Variants in MICAL3 observed in about 807,000 individuals in gnomAD.
MICAL3 encodes the protein [F-actin]-monooxygenase MICAL3.
MICAL3 carries 62 observed loss-of-function variants against 207.4 expected under a neutral mutation model. That is an observed-to-expected ratio of 0.30 (90% CI 0.24 to 0.37). The LOEUF (loss-of-function observed/expected upper bound fraction) is 0.37, where lower values mean the gene tolerates loss of function less well. Among genes scored for constraint, MICAL3 ranks in the 10% least tolerant of loss-of-function variants. MICAL3 has a pLI of 1.00. For synonymous variants in MICAL3, 1,077 were observed against 1,069.3 expected (o/e 1.01, Z -0.14); for missense variants, 2,368 against 2,635.6 (o/e 0.90, Z 2.22).
At chr22:17,918,937 G>T (rs1337111476) in intron 1 of MICAL3, among the ~76,000 whole-genome samples, 2 of 152,180 alleles carry the variant, frequency 1.3e-5, no homozygotes, top group Admixed American at 6.5e-5. Flanking sequence ...TAATGCAGCT[G>T]ACACATATAT....
Position 17,790,262 on chromosome 22 carries a change from T to C in MICAL3, c.*470A>G, listed in dbSNP as rs573867500. On this transcript the variant is annotated 3_prime_UTR_variant, in exon 32 of 32. Transcript: ENST00000441493. ...TGGACGCCCCCATCCTGGGTCTCGA[T>C]CGCACCCTGACCCCTGACCCTGCTT... is the stretch of plus-strand genomic sequence containing the variant. 53 of 157,190 alleles carry C rather than the reference T, an allele frequency of 3.4e-4. No homozygotes were observed. Among genetic ancestry groups the C allele is most frequent in the Non-Finnish European group, 6.5e-4 (46 of 71,156 alleles). 9.7% of individuals were successfully genotyped at this position (157,190 alleles called of 1,614,324 possible). A position where few individuals can be genotyped will look rare whatever the true frequency, so the allele number is the denominator to read the frequency against.
chr22:17,881,280 C>T (rs1398346441), intron 16 of MICAL3: 2 of 1,609,638 alleles, frequency 1.2e-6, no homozygotes, highest in Admixed American at 1.7e-5. Context: ...TGGGGCAGGT[C>T]CGAGAACACT....
At position 17,818,511 on chromosome 22, in the gene MICAL3, A is replaced by T. The variant is rs1262198429; in HGVS notation, c.4150T>A (p.Ser1384Thr). The change falls in exon 26 of 32, where the codon TCC becomes ACC. Residue 1384 changes from serine (S) to threonine (T), a missense_variant. By Grantham distance (58) the Ser-to-Thr change is moderately conservative. This residue lies in a region of MICAL3 where 1,770 missense variants were observed against 1,863.2 expected (regional missense o/e 0.95). Transcript: ENST00000441493. ...GGCAGGCCCAGCCTTTTGGGGATGG[A>T]CAGAGGCTTGAGAAGGTGGAGTCCC... ...DEGLHLLKPL[S>T]IPKRLGLPKP... The T allele has an allele frequency of 1.2e-6, 2 of 1,613,260 alleles. No individual in the cohort carries two copies. The highest frequency in any genetic ancestry group is 1.6e-4 in the Middle Eastern group (1 of 6,062).
chr22:17,835,455 G>T (rs1456805216), intron 20 of MICAL3, among the ~76,000 whole-genome samples: 1 of 152,226 alleles, frequency 6.6e-6, no homozygotes, highest in East Asian at 1.9e-4. Flanking sequence ...GCAGTCTCTG[G>T]GTTGGCCCAG....
intron 1 of MICAL3, among the ~76,000 whole-genome samples, chr22:17,973,366 ACTTACTT>A (rs1233712445): frequency 6.6e-6 from 1 of 152,178 alleles, no homozygotes; most frequent in Non-Finnish European, 1.5e-5. Context: ...CTGATAAGAG[ACTTACTT>A]CTGTAGGGTA....
chr22:17,887,322 C>T lies in MICAL3; in HGVS notation c.2004+1G>A, dbSNP rs2146222807. The T allele has an allele frequency of 6.2e-7, 1 of 1,612,740 alleles. No individual in the cohort carries two copies. Among genetic ancestry groups the T allele is most frequent in the Non-Finnish European group, 8.5e-7 (1 of 1,178,828 alleles). On this transcript the variant is annotated splice_donor_variant, in intron 14 of 31. Transcript: ENST00000441493. LOFTEE classifies it high-confidence loss of function. ...GCCCATCAAGAGACTCCTCCACATA[C>T]CTTGGGAGAACGCTTCCGAGAGATG...
intron 1 of MICAL3, among the ~76,000 whole-genome samples, chr22:17,986,185 G>A (rs1402891478): frequency 2.0e-5 from 3 of 152,182 alleles, no homozygotes; most frequent in South Asian, 2.1e-4. Context: ...GATTACAGGC[G>A]TGAGCCACCT....
In MICAL3 at chr22:17,953,930, C is replaced by CAAAAAAAAAAAA. The variant is rs59740388; in HGVS notation, c.-74-47056_-74-47045dup. Among the ~76,000 whole-genome samples the CAAAAAAAAAAAA allele has an allele frequency of 1.4e-3, 124 of 86,510 alleles. 2 individuals are homozygous for CAAAAAAAAAAAA. Among genetic ancestry groups the CAAAAAAAAAAAA allele is most frequent in the Middle Eastern group, 5.7e-3 (1 of 176 alleles). The allele number at this position is 86,510 out of a possible 152,430, so 56.8% of individuals were successfully genotyped here. A position where few individuals can be genotyped will look rare whatever the true frequency, so the allele number is the denominator to read the frequency against. The stretch of plus-strand genomic sequence containing the variant: ...CAGGTGACAGAGTAAGACTCCATCT[C>CAAAAAAAAAAAA]AAAAAAAAAAAAAAAAAAAAAAAAA... On this transcript the variant is annotated intron_variant, in intron 1 of 31. Coordinates refer to ENST00000441493, the MANE Select transcript of MICAL3 (RefSeq NM_015241.3).
At chr22:17,836,871 T>G (rs1364551385) in intron 20 of MICAL3, among the ~76,000 whole-genome samples, 1 of 152,138 alleles carries the variant, frequency 6.6e-6, no homozygotes, top group Non-Finnish European at 1.5e-5. Context: ...GGTCTCCATC[T>G]CCTGACCTTG....
At chr22:17,824,369 G>C (rs577902186) in intron 22 of MICAL3, among the ~76,000 whole-genome samples, 1 of 152,340 alleles carries the variant, frequency 6.6e-6, no homozygotes, top group South Asian at 2.1e-4. Context: ...CGGTTAGGTG[G>C]ATTTCTTAAA....
In MICAL3 at chr22:17,901,065, T is replaced by C. The variant is rs897526460; in HGVS notation, c.692-68A>G. The C allele has an allele frequency of 3.4e-6, 5 of 1,487,202 alleles. No individual in the cohort carries two copies. In the Admixed American group the frequency reaches 5.0e-5, roughly 15 times the overall value. 92.1% of individuals were successfully genotyped at this position (1,487,202 alleles called of 1,614,324 possible). A position where few individuals can be genotyped will look rare whatever the true frequency, so the allele number is the denominator to read the frequency against. ...AGAAGGAAGATCACTTCAGATAAAG[T>C]GGGGGTGCTGATAAAGACAACAGGG... On this transcript the variant is annotated intron_variant, in intron 5 of 31. Coordinates refer to ENST00000441493, the MANE Select transcript of MICAL3 (RefSeq NM_015241.3).
At chr22:17,935,230 GAT>G (rs1380763875) in intron 1 of MICAL3, among the ~76,000 whole-genome samples, 1 of 152,100 alleles carries the variant, frequency 6.6e-6, no homozygotes, top group Admixed American at 6.6e-5. Flanking sequence ...CCAAAACAGA[GAT>G]ATAGACCAAT....
chr22:17,938,025 G>A lies in MICAL3; in HGVS notation c.-74-31139C>T, dbSNP rs535218243. Among the ~76,000 whole-genome samples the A allele has an allele frequency of 8.5e-5, 13 of 152,302 alleles. 1 individual carries two copies. The South Asian group carries it at 1.7e-3, about 19-fold the overall frequency. ...GAGGCATGAGAGGTCTGTCGGCCGTGTCTTGCTGATTATAGTATCTATCTT... is the reference window on the plus strand; with the variant it reads ...GAGGCATGAGAGGTCTGTCGGCCGTATCTTGCTGATTATAGTATCTATCTT... On this transcript the variant is annotated intron_variant, in intron 1 of 31. Transcript: ENST00000441493.
chr22:17,974,492 G>A (rs971622211), intron 1 of MICAL3, among the ~76,000 whole-genome samples: 2 of 152,178 alleles, frequency 1.3e-5, no homozygotes, highest in Admixed American at 6.5e-5. Flanking sequence ...GAGGAGAATT[G>A]CTTGAACCTG....
At chr22:17,834,953 G>A (rs572250652) in intron 20 of MICAL3, among the ~76,000 whole-genome samples, 83 of 152,360 alleles carry the variant, frequency 5.4e-4, no homozygotes, top group African/African-American at 1.9e-3. Context: ...TCCCAGCTGA[G>A]CAGCCGGGGC....
At chr22:18,022,218 T>A (rs1457328536) in intron 1 of MICAL3, among the ~76,000 whole-genome samples, 3 of 152,124 alleles carry the variant, frequency 2.0e-5, no homozygotes, top group African/African-American at 7.2e-5. Flanking sequence ...ACCCCCAGTC[T>A]GCAACAGTAC....
intron 19 of MICAL3, among the ~76,000 whole-genome samples, chr22:17,854,230 G>A (rs1006940058): frequency 6.8e-6 from 1 of 147,840 alleles, no homozygotes; most frequent in South Asian, 2.1e-4. Context: ...GGGGAGGGGG[G>A]TGCTACTGAT....
chr22:17,907,313 G>A lies in MICAL3; in HGVS notation c.-74-427C>T, dbSNP rs372379264. Among the ~76,000 whole-genome samples, 19 of 152,312 alleles carry A rather than the reference G, an allele frequency of 1.2e-4. No individual in the cohort carries two copies. In the South Asian group the frequency reaches 2.7e-3, roughly 22 times the overall value. On this transcript the variant is annotated intron_variant, in intron 1 of 31. Coordinates refer to ENST00000441493, the MANE Select transcript of MICAL3 (RefSeq NM_015241.3). ...CAGGCAGGGAAGAGGTGTAGGACAT[G>A]GGAAAGTGACAAAGACAGGCCTGAG...
chr22:17,804,270 G>T (rs2061968401), intron 29 of MICAL3, among the ~76,000 whole-genome samples: 1 of 152,184 alleles, frequency 6.6e-6, no homozygotes, highest in Non-Finnish European at 1.5e-5. Flanking sequence ...GATACTGGAA[G>T]CCCCAGGCTG....
Sources: allele counts gnomAD v4.1 joint callset (sites outside exome capture counted in the v4.1 genomes callset), GRCh38; gene constraint gnomAD v4.1.1; regional missense constraint gnomAD v4.1.1; transcripts MANE v1.5; gene names NCBI Gene and HGNC (gene_info 2026-07-23, HGNC 2026-07-21).